The following ARHGAP15 variants were observed in gnomAD, a reference collection of about 807,000 sequenced individuals.
ARHGAP15 encodes rho GTPase-activating protein 15.
ARHGAP15 carries 51 observed loss-of-function variants against 63.7 expected under a neutral mutation model. The ratio of observed to expected loss-of-function variants is 0.80; its 90% CI spans 0.64 to 1.01. The LOEUF is 1.01. Ranked by LOEUF, ARHGAP15 falls within the 50% of genes least tolerant of loss-of-function variation. The pLI, the probability that ARHGAP15 is intolerant of heterozygous loss-of-function variation, is 0.00. For synonymous variants in ARHGAP15, 191 were observed against 193.8 expected (o/e 0.99, Z 0.12); for missense variants, 560 against 564.6 (o/e 0.99, Z 0.08).
chr2:143,541,674 G>A (rs1397458507), intron 10 of ARHGAP15, among the ~76,000 whole-genome samples: 3 of 152,130 alleles, frequency 2.0e-5, no homozygotes, highest in South Asian at 2.1e-4. Flanking sequence ...TATCAGCAGT[G>A]GTGGCTGCAG....
At chr2:143,361,013 A>G (rs943246261) in intron 6 of ARHGAP15, among the ~76,000 whole-genome samples, 4 of 152,162 alleles carry the variant, frequency 2.6e-5, no homozygotes, top group Non-Finnish European at 5.9e-5. Flanking sequence ...AACACCGTCC[A>G]TGTCTCAGAA....
chr2:143,208,031 G>A (rs760823795), intron 3 of ARHGAP15, among the ~76,000 whole-genome samples: 21 of 152,040 alleles, frequency 1.4e-4, no homozygotes, highest in Non-Finnish European at 2.5e-4. Context: ...CCTGGCAGTA[G>A]TTTCCTTGGC....
chr2:143,587,543 T>G, intron 11 of ARHGAP15: 2 of 279,070 alleles, frequency 7.2e-6, no homozygotes, highest in South Asian at 7.8e-5. Context: ...ACATTACTTT[T>G]AAAAAAAAGC....
chr2:143,582,818 A>G (rs750620329), intron 11 of ARHGAP15, among the ~76,000 whole-genome samples: 28 of 152,220 alleles, frequency 1.8e-4, no homozygotes, highest in Non-Finnish European at 3.4e-4. Flanking sequence ...CAGCTTGCCA[A>G]TGGGTGAGGA....
At chr2:143,360,903 T>C (rs1325882511) in intron 6 of ARHGAP15, among the ~76,000 whole-genome samples, 2 of 152,212 alleles carry the variant, frequency 1.3e-5, no homozygotes, top group Admixed American at 1.3e-4. Flanking sequence ...AATTTCTCAT[T>C]GCATAATTTT....
chr2:143,268,212 A>G (rs1175350236), intron 6 of ARHGAP15, among the ~76,000 whole-genome samples: 1 of 151,518 alleles, frequency 6.6e-6, no homozygotes, highest in Non-Finnish European at 1.5e-5. Context: ...GATTGGTGTT[A>G]AATCCTATTT....
In ARHGAP15 at chr2:143,382,638, T is replaced by C. The variant is rs188194006; in HGVS notation, c.475-52963T>C. On this transcript the variant is annotated intron_variant, in intron 6 of 13. Transcript: ENST00000295095. ...GGTTAGGACTTTAACATATCTTTTC[T>C]TGAGGGGGACACAATTCAACCCATA... 8.6e-4 allele frequency among the ~76,000 whole-genome samples: 131 copies of C among 152,278 alleles called. 1 individual carries two copies. The highest frequency in any genetic ancestry group is 3.0e-3 in the African/African-American group (126 of 41,566).
At chr2:143,409,960 C>T (rs899111137) in intron 6 of ARHGAP15, among the ~76,000 whole-genome samples, 5 of 151,908 alleles carry the variant, frequency 3.3e-5, no homozygotes, top group Admixed American at 6.6e-5. Flanking sequence ...GTAGGAGCAC[C>T]CTTTCTTCCC....
intron 11 of ARHGAP15, among the ~76,000 whole-genome samples, chr2:143,602,273 G>A (rs1350011387): frequency 1.3e-5 from 2 of 152,148 alleles, no homozygotes; most frequent in Non-Finnish European, 2.9e-5. Flanking sequence ...TAGCCCTGGA[G>A]TGAAGCAATT....
chr2:143,762,654 A>G (rs1350800470), intron 13 of ARHGAP15, among the ~76,000 whole-genome samples: 1 of 152,204 alleles, frequency 6.6e-6, no homozygotes, highest in Non-Finnish European at 1.5e-5. Flanking sequence ...GAACCTATGT[A>G]CAAGATTCAA....
In ARHGAP15 at chr2:143,730,449, G is replaced by A. The variant is rs564543672; in HGVS notation, c.1244+26925G>A. Among the ~76,000 whole-genome samples, 12 of 152,240 alleles carry A rather than the reference G, an allele frequency of 7.9e-5. No individual in the cohort carries two copies. In the East Asian group the frequency reaches 1.5e-3, roughly 20 times the overall value. On this transcript the variant is annotated intron_variant, in intron 13 of 13. Coordinates refer to ENST00000295095, the MANE Select transcript of ARHGAP15 (RefSeq NM_018460.4). ...ATTCATAAAGACTGTATACTATTCC[G>A]TATTGGACAATGTTGAGGCTTAAAT...
chr2:143,517,094 ACGCG>A (rs747839130), intron 9 of ARHGAP15, among the ~76,000 whole-genome samples: 3 of 152,046 alleles, frequency 2.0e-5, no homozygotes, highest in Non-Finnish European at 2.9e-5. Context: ...GACTACAGGC[ACGCG>A]CCACCATGCC....
chr2:143,131,763 A>G (rs1688925323), intron 1 of ARHGAP15, among the ~76,000 whole-genome samples: 1 of 152,212 alleles, frequency 6.6e-6, no homozygotes, highest in Non-Finnish European at 1.5e-5. Context: ...ATGTTTCCTC[A>G]GCAGACAGGG....
At chr2:143,302,785 A>G (rs1682964499) in intron 6 of ARHGAP15, among the ~76,000 whole-genome samples, 1 of 152,040 alleles carries the variant, frequency 6.6e-6, no homozygotes, top group Non-Finnish European at 1.5e-5. Context: ...AAGAGAAAAG[A>G]CTCAATTGAA....
chr2:143,608,986 T>C (rs1698153331), intron 11 of ARHGAP15, among the ~76,000 whole-genome samples: 1 of 152,210 alleles, frequency 6.6e-6, no homozygotes, highest in Admixed American at 6.5e-5. Context: ...TGTTGTGGGC[T>C]GCCTTGCAAG....
intron 12 of ARHGAP15, among the ~76,000 whole-genome samples, chr2:143,663,289 C>A (rs1574798529): frequency 6.6e-6 from 1 of 151,350 alleles, no homozygotes; most frequent in South Asian, 2.1e-4. Context: ...GAATTTTCAA[C>A]CCAGAATTTC....
At chr2:143,377,559 A>G (rs942749349) in intron 6 of ARHGAP15, among the ~76,000 whole-genome samples, 30 of 151,214 alleles carry the variant, frequency 2.0e-4, no homozygotes, top group African/African-American at 7.0e-4. Flanking sequence ...TTTGTTTCCT[A>G]TTTTTTTTCA....
At chr2:143,527,329 C>G (rs1426254618) in intron 10 of ARHGAP15, among the ~76,000 whole-genome samples, 3 of 151,952 alleles carry the variant, frequency 2.0e-5, no homozygotes, top group Non-Finnish European at 2.9e-5. Flanking sequence ...CTTAGAGATT[C>G]CTCTAAATTC....
chr2:143,318,653 G>A (rs891459714), intron 6 of ARHGAP15, among the ~76,000 whole-genome samples: 1 of 149,996 alleles, frequency 6.7e-6, no homozygotes, highest in Non-Finnish European at 1.5e-5. Context: ...TCCTATTTCT[G>A]AGCAACAGTT....
Sources: allele counts gnomAD v4.1 joint callset (sites outside exome capture counted in the v4.1 genomes callset), GRCh38; gene constraint gnomAD v4.1.1; transcripts MANE v1.5; gene names NCBI Gene and HGNC (gene_info 2026-07-23, HGNC 2026-07-21).